SEC24A: variants seen among roughly 807,000 people sequenced by gnomAD.
SEC24A encodes the protein SEC24 homolog A, COPII component.
SEC24A carries 93 observed loss-of-function variants against 129.4 expected under a neutral mutation model. That is an observed-to-expected ratio of 0.72 (90% confidence interval 0.61 to 0.85). SEC24A has a LOEUF of 0.85. SEC24A is among the 40% of genes least tolerant of loss of function. SEC24A has a pLI of 0.00. For synonymous variants in SEC24A, 460 were observed against 467.3 expected (o/e 0.98, Z 0.20); for missense variants, 1,264 against 1,307.4 (o/e 0.97, Z 0.51).
At chr5:134,712,425 T>C (rs1464508704) in intron 18 of SEC24A, among the ~76,000 whole-genome samples, 8 of 151,750 alleles carry the variant, frequency 5.3e-5, no homozygotes, top group Non-Finnish European at 1.0e-4. Flanking sequence ...TAATTTTTTG[T>C]ATTTTTAGTA....
chr5:134,697,502 G>T (rs1751863896), intron 14 of SEC24A, among the ~76,000 whole-genome samples: 1 of 152,112 alleles, frequency 6.6e-6, no homozygotes, highest in South Asian at 2.1e-4. Flanking sequence ...AATTTGTGAG[G>T]CCTGTGCAGG....
At chr5:134,671,340 G>A (rs1053016521) in intron 3 of SEC24A, among the ~76,000 whole-genome samples, 16 of 152,048 alleles carry the variant, frequency 1.1e-4, no homozygotes, top group African/African-American at 3.1e-4. Context: ...GATTACAGGC[G>A]TGAGCCACCG....
rs190255231 is a variant in SEC24A, at chr5:134,665,587, G to A, written c.566-1236G>A. Reference sequence around the variant, plus strand: ...TTTATTTATTTTGAGACAGAGTCTCGCTCTTGTTGCCCAGGCTGGAGTGCA... The same window carrying A: ...TTTATTTATTTTGAGACAGAGTCTCACTCTTGTTGCCCAGGCTGGAGTGCA... On this transcript the variant is annotated intron_variant, in intron 2 of 22. Transcript: ENST00000398844. 2.7e-3 allele frequency among the ~76,000 whole-genome samples: 406 copies of A among 151,334 alleles called. 2 individuals carry two copies. The highest frequency in any genetic ancestry group is 4.8e-3 in the Non-Finnish European group (323 of 67,870).
chr5:134,716,318 A>C (rs79082746), intron 19 of SEC24A, among the ~76,000 whole-genome samples: 17,143 of 151,478 alleles, frequency 0.11, 1,159 homozygotes, highest in East Asian at 0.27. Context: ...AAAAACAAAA[A>C]AATTGGCCAG....
In SEC24A at chr5:134,708,946, C is replaced by G. The variant is rs536070581; in HGVS notation, c.2727+58C>G. On this transcript the variant is annotated intron_variant, in intron 18 of 22. Coordinates refer to ENST00000398844, the MANE Select transcript of SEC24A (RefSeq NM_021982.3). ...GATGGCCAGGCACTGTGGCCTACAC[C>G]TGCAATCCCAGCACTTTGGGTGGCT... 118 of 1,519,062 alleles carry G rather than the reference C, an allele frequency of 7.8e-5. No homozygotes were observed. The East Asian group carries it at 2.6e-3, about 33-fold the overall frequency. 94.1% of individuals were successfully genotyped at this position (1,519,062 alleles called of 1,614,324 possible). A position where few individuals can be genotyped will look rare whatever the true frequency, so the allele number is the denominator to read the frequency against.
At position 134,725,822 on chromosome 5, in the gene SEC24A, A is replaced by G. The variant is rs1752745701; in HGVS notation, c.*728A>G. The G allele has an allele frequency of 6.6e-6, 1 of 152,542 alleles. No individual in the cohort carries two copies. Among genetic ancestry groups the G allele is most frequent in the East Asian group, 1.9e-4 (1 of 5,202 alleles). The allele number at this position is 152,542 out of a possible 1,614,324, so 9.4% of individuals were successfully genotyped here. A position where few individuals can be genotyped will look rare whatever the true frequency, so the allele number is the denominator to read the frequency against. The stretch of plus-strand genomic sequence containing the variant: ...CATACTGTCTTAATCTATAGTGAAA[A>G]GAATTTGAGCTGTCTTCATAAACAC... On this transcript the variant is annotated 3_prime_UTR_variant, in exon 23 of 23. Coordinates refer to ENST00000398844, the MANE Select transcript of SEC24A (RefSeq NM_021982.3).
intron 13 of SEC24A, among the ~76,000 whole-genome samples, chr5:134,695,568 C>T (rs568098488): frequency 1.8e-4 from 27 of 151,956 alleles, no homozygotes; most frequent in Non-Finnish European, 3.4e-4. Flanking sequence ...GGGTGGATCA[C>T]GAGTTCAGGT....
chr5:134,665,399 G>A (rs1251962442), intron 2 of SEC24A, among the ~76,000 whole-genome samples: 1 of 149,954 alleles, frequency 6.7e-6, no homozygotes, highest in African/African-American at 2.4e-5. Context: ...AGGTTGCAGT[G>A]AGCCGAGATT....
In SEC24A at chr5:134,703,946, T is replaced by G. The variant is rs1428741709; in HGVS notation, c.2440+14T>G. On this transcript the variant is annotated intron_variant, in intron 16 of 22. Coordinates refer to ENST00000398844, the MANE Select transcript of SEC24A (RefSeq NM_021982.3). Reference sequence around the variant, plus strand: ...CATCCAGCAAAGGTAAATTGTTTGTTTTTTTTTGGATTTCAAATGTTCAAA... The same window carrying G: ...CATCCAGCAAAGGTAAATTGTTTGTGTTTTTTTGGATTTCAAATGTTCAAA... 1.3e-6 allele frequency: 2 copies of G among 1,531,194 alleles called. No homozygotes were observed. The highest frequency in any genetic ancestry group is 1.3e-5 in the South Asian group (1 of 79,724). The allele number at this position is 1,531,194 out of a possible 1,614,324, so 94.9% of individuals were successfully genotyped here.
intron 19 of SEC24A, among the ~76,000 whole-genome samples, chr5:134,717,797 C>T (rs1417620173): frequency 6.6e-6 from 1 of 151,846 alleles, no homozygotes; most frequent in African/African-American, 2.4e-5. Context: ...TGCCTGTAAT[C>T]CCAGCTACTC....
intron 15 of SEC24A, among the ~76,000 whole-genome samples, chr5:134,701,559 G>A (rs1013394916): frequency 6.6e-6 from 1 of 151,582 alleles, no homozygotes; most frequent in African/African-American, 2.4e-5. Context: ...CGTCCAGGCT[G>A]GAGTGTAATG....
At chr5:134,651,098 CT>C (rs70976548) in intron 1 of SEC24A, among the ~76,000 whole-genome samples, 6,010 of 136,398 alleles carry the variant, frequency 0.044, 262 homozygotes, top group African/African-American at 0.12. Context: ...TGTATTTTGC[CT>C]TTTTTTTTTT....
chr5:134,689,983 G>T (rs373864876), intron 11 of SEC24A, among the ~76,000 whole-genome samples: 1 of 151,476 alleles, frequency 6.6e-6, no homozygotes. Context: ...ACCAGGGGCT[G>T]GGGGGGGAGG....
chr5:134,652,446 T>C (rs1474978440), intron 1 of SEC24A, among the ~76,000 whole-genome samples: 1 of 150,680 alleles, frequency 6.6e-6, no homozygotes, highest in African/African-American at 2.4e-5. Flanking sequence ...CCACTATGTC[T>C]AGCTAATTTT....
intron 11 of SEC24A, among the ~76,000 whole-genome samples, chr5:134,688,574 T>G (rs1751528042): frequency 6.6e-6 from 1 of 152,172 alleles, no homozygotes; most frequent in Non-Finnish European, 1.5e-5. Flanking sequence ...TTCTTCCCAT[T>G]TATTCATTCA....
chr5:134,675,239 T>C, intron 6 of SEC24A, 22 bp downstream of exon 6: 8 of 1,578,160 alleles, frequency 5.1e-6, no homozygotes, highest in South Asian at 2.3e-5. Context: ...GATGTGACAT[T>C]ATGCATGTCC....
At chr5:134,676,438 C>CTTTTTTTTTT (rs34581398) in intron 7 of SEC24A, among the ~76,000 whole-genome samples, 2 of 84,184 alleles carry the variant, frequency 2.4e-5, no homozygotes, top group Non-Finnish European at 4.4e-5. Context: ...GCGCCCGGCT[C>CTTTTTTTTTT]TTTTTTTTTT....
At chr5:134,721,265 T>C (rs948791780) in intron 21 of SEC24A, among the ~76,000 whole-genome samples, 175 bp downstream of exon 21, 3 of 152,070 alleles carry the variant, frequency 2.0e-5, no homozygotes, top group African/African-American at 4.8e-5. Flanking sequence ...AGGGAATTTA[T>C]ATATTTAAAA....
intron 6 of SEC24A, 113 bp from the exon 7 acceptor site, chr5:134,675,910 T>G: frequency 1.5e-6 from 1 of 662,110 alleles, no homozygotes; most frequent in Non-Finnish European, 2.5e-6. Context: ...TATTGAAATA[T>G]TTCATCTGTA....
Sources: allele counts gnomAD v4.1 joint callset (sites outside exome capture counted in the v4.1 genomes callset), GRCh38; gene constraint gnomAD v4.1.1; transcripts MANE v1.5; gene names NCBI Gene and HGNC (gene_info 2026-07-23, HGNC 2026-07-21).